The following NAA35 variants were observed in gnomAD, a reference collection of about 807,000 sequenced individuals.
The protein encoded by NAA35 is N-alpha-acetyltransferase 35, NatC auxiliary subunit.
NAA35 carries 18 observed loss-of-function variants against 101.7 expected under a neutral mutation model. The observed-to-expected ratio is 0.18, with a 90% CI of 0.12 to 0.26. The LOEUF is 0.26. NAA35 is among the 10% of genes least tolerant of loss of function. The probability of loss-of-function intolerance (pLI) is 1.00; values close to 1 mark genes in which losing one functional copy is unlikely to be tolerated. For missense variants in NAA35, 601 were observed against 886.8 expected (o/e 0.68, Z 4.09); for synonymous variants, 267 against 273.1 (o/e 0.98, Z 0.22).
chr9:86,009,929 C>G lies in NAA35; in HGVS notation c.1288C>G (p.Arg430Gly). The G allele has an allele frequency of 6.2e-7, 1 of 1,611,084 alleles. No homozygotes were observed. Among genetic ancestry groups the G allele is most frequent in the Admixed American group, 1.7e-5 (1 of 59,966 alleles). ...CIDSFVTHCV[R>G]PFCSLIQIHG... is the part of the protein sequence containing the mutation. ...CGACTCCTTTGTTACTCACTGTGTT[C>G]GGGTAAGAGCTACAATTTGGATTGT... Residue 430 changes from arginine (R) to glycine (G), a missense_variant and splice_region_variant, in exon 15 of 23, where the codon CGG (arginine) becomes GGG (glycine). This residue lies in a region of NAA35 where 190 missense variants were observed against 223.1 expected (regional missense o/e 0.85). Transcript: ENST00000361671.
At chr9:85,973,195 G>C (rs1278589407) in intron 6 of NAA35, among the ~76,000 whole-genome samples, 2 of 152,210 alleles carry the variant, frequency 1.3e-5, no homozygotes, top group Non-Finnish European at 2.9e-5. Context: ...TGCAGTGAAT[G>C]TGAAGTGGTA....
intron 21 of NAA35, among the ~76,000 whole-genome samples, chr9:86,020,118 C>T (rs942228477): frequency 6.6e-6 from 1 of 151,990 alleles, no homozygotes; most frequent in South Asian, 2.1e-4. Context: ...TGTATGTGTG[C>T]GAGTATAAAA....
At chr9:86,011,868 T>C (rs1462621228) in intron 15 of NAA35, among the ~76,000 whole-genome samples, 2 of 142,212 alleles carry the variant, frequency 1.4e-5, no homozygotes, top group African/African-American at 2.6e-5. Context: ...TTTAAACTTA[T>C]TTAAATATAT....
chr9:85,996,819 G>C (rs1398509946), intron 12 of NAA35, among the ~76,000 whole-genome samples: 1 of 152,156 alleles, frequency 6.6e-6, no homozygotes, highest in East Asian at 1.9e-4. Context: ...CTATTTTAGA[G>C]ATTAAGAAGC....
chr9:85,968,984 A>G (rs956594729), intron 6 of NAA35, among the ~76,000 whole-genome samples: 3 of 152,098 alleles, frequency 2.0e-5, no homozygotes, highest in East Asian at 1.9e-4. Flanking sequence ...TTTGCCCTCT[A>G]TTGTGAAACC....
chr9:85,978,944 A>G (rs1587608969), intron 11 of NAA35, among the ~76,000 whole-genome samples: 4 of 152,220 alleles, frequency 2.6e-5, no homozygotes, highest in Admixed American at 2.6e-4. Flanking sequence ...TAGAAGCAAG[A>G]TGGAGTCAGC....
chr9:86,020,848 T>C, intron 21 of NAA35, 41 bp from the exon 22 acceptor site: 4 of 1,497,044 alleles, frequency 2.7e-6, no homozygotes, highest in Non-Finnish European at 3.7e-6. Context: ...AAATTTTGAC[T>C]ATGAAGTTAA....
chr9:85,997,723 A>G (rs1367106171), intron 12 of NAA35, among the ~76,000 whole-genome samples: 2 of 152,168 alleles, frequency 1.3e-5, no homozygotes, highest in African/African-American at 2.4e-5. Flanking sequence ...GGCTCAAGCA[A>G]TCCTTCCATC....
At chr9:85,988,139 C>T (rs1486411857) in intron 11 of NAA35, among the ~76,000 whole-genome samples, 1 of 152,210 alleles carries the variant, frequency 6.6e-6, no homozygotes, top group African/African-American at 2.4e-5. Context: ...AATGAGGCCT[C>T]CAGCTAGCCT....
intron 11 of NAA35, among the ~76,000 whole-genome samples, chr9:85,991,972 A>C (rs892583453): frequency 2.6e-5 from 4 of 152,108 alleles, no homozygotes; most frequent in Non-Finnish European, 4.4e-5. Flanking sequence ...CAGGAGATCA[A>C]GACTATCCTG....
At chr9:85,981,986 T>C (rs1391423459) in intron 11 of NAA35, among the ~76,000 whole-genome samples, 1 of 152,198 alleles carries the variant, frequency 6.6e-6, no homozygotes, top group Non-Finnish European at 1.5e-5. Context: ...AAGGTAGATA[T>C]TCAGTATGAA....
In NAA35 at chr9:85,966,100, T is replaced by C. The variant is rs12685574; in HGVS notation, c.516+3920T>C. Among the ~76,000 whole-genome samples the C allele has an allele frequency of 6.3e-3, 963 of 152,238 alleles. 13 individuals are homozygous for C. Among genetic ancestry groups the C allele is most frequent in the African/African-American group, 0.022 (927 of 41,542 alleles). On this transcript the variant is annotated intron_variant, in intron 6 of 22. Coordinates refer to ENST00000361671, the MANE Select transcript of NAA35 (RefSeq NM_024635.4). ...GACTGCAGATGTGTTCCACCACACG[T>C]GGCTAATTTTTAATTTTTTTTGTAA...
At position 86,013,107 on chromosome 9, in the gene NAA35, G is replaced by C. The variant is rs1832028326; in HGVS notation, c.1352G>C (p.Gly451Ala). 1 of 1,594,528 alleles carries C rather than the reference G, an allele frequency of 6.3e-7. No homozygotes were observed. Among genetic ancestry groups the C allele is most frequent in the African/African-American group, 1.3e-5 (1 of 74,742 alleles). ...HNRARQRDKL[G>A]HILEEFATLQ... is the part of the protein sequence containing the mutation. Reference sequence around the variant, plus strand: ...AGGGCTCGACAGAGAGATAAGCTTGGTCATATTCTTGAGGAATTTGCCACC... The same window carrying C: ...AGGGCTCGACAGAGAGATAAGCTTGCTCATATTCTTGAGGAATTTGCCACC... The change falls in exon 16 of 23, where the codon GGT (glycine) becomes GCT (alanine). Residue 451 changes from glycine to alanine, a missense_variant. Gly to Ala is a moderately conservative substitution (Grantham distance 60). Transcript: ENST00000361671.
chr9:85,969,751 G>T (rs188330592), intron 6 of NAA35, among the ~76,000 whole-genome samples: 1 of 151,774 alleles, frequency 6.6e-6, no homozygotes, highest in African/African-American at 2.4e-5. Context: ...TGTAGTCCCA[G>T]CCACTTGAGG....
intron 12 of NAA35, among the ~76,000 whole-genome samples, chr9:86,002,245 G>T (rs1213923460): frequency 6.6e-6 from 1 of 152,052 alleles, no homozygotes. Flanking sequence ...GCCTGATGGG[G>T]ATCCCTTTTT....
rs1828549077 is a variant in NAA35 at position 85,942,167 on chromosome 9, T to C, written c.8T>C (p.Met3Thr). The C allele has an allele frequency of 6.2e-7, 1 of 1,613,842 alleles. No homozygotes were observed. The highest frequency in any genetic ancestry group is 8.5e-7 in the Non-Finnish European group (1 of 1,179,932). The change falls in exon 2 of 23, where the codon ATG (methionine) becomes ACG (threonine). Residue 3 changes from methionine to threonine, a missense_variant. Transcript: ENST00000361671. ...ATTAATTTTACAGGCATAATGGTTA[T>C]GAAAGCTTCTGTAGATGATGACGAT... is the stretch of plus-strand genomic sequence containing the variant. MV[M>T]KASVDDDDSG...
chr9:85,976,301 T>A lies in NAA35; in HGVS notation c.628-384T>A, dbSNP rs140564758. Among the ~76,000 whole-genome samples, 792 of 152,330 alleles carry A rather than the reference T, an allele frequency of 5.2e-3. 4 individuals are homozygous for A. Among genetic ancestry groups the A allele is most frequent in the African/African-American group, 0.018 (756 of 41,586 alleles). ...CGGTATTGACCATTGAACTTTATTT[T>A]TTCATAATGTGATTTTTGTGAAGGT... On this transcript the variant is annotated intron_variant, in intron 8 of 22. Transcript: ENST00000361671.
intron 5 of NAA35, 67 bp from the exon 6 acceptor site, chr9:85,961,946 A>G: frequency 7.6e-7 from 1 of 1,313,914 alleles, no homozygotes. Flanking sequence ...CTTTGACTCT[A>G]GGATCAATTT....
intron 11 of NAA35, among the ~76,000 whole-genome samples, chr9:85,990,012 A>G (rs914806907): frequency 1.3e-5 from 2 of 152,228 alleles, no homozygotes; most frequent in Non-Finnish European, 2.9e-5. Context: ...GCTGTAACAG[A>G]GTTCCTGAGA....
Sources: allele counts gnomAD v4.1 joint callset (sites outside exome capture counted in the v4.1 genomes callset), GRCh38; gene constraint gnomAD v4.1.1; regional missense constraint gnomAD v4.1.1; transcripts MANE v1.5; gene names NCBI Gene and HGNC (gene_info 2026-07-23, HGNC 2026-07-21).